KIAA0586: variants seen among roughly 807,000 people sequenced by gnomAD.
KIAA0586 encodes protein TALPID3.
KIAA0586 carries 144 observed loss-of-function variants against 169.8 expected under a neutral mutation model. That is an observed-to-expected ratio of 0.85 (90% CI 0.74 to 0.97). The LOEUF (loss-of-function observed/expected upper bound fraction) is 0.97. Ranked by LOEUF, KIAA0586 falls within the 50% of genes least tolerant of loss-of-function variation. The probability of loss-of-function intolerance (pLI) is 0.00; values close to 1 mark genes in which losing one functional copy is unlikely to be tolerated. For missense variants in KIAA0586, 1,854 were observed against 1,823.0 expected, an observed-to-expected ratio of 1.02 and a Z score of -0.31; for synonymous variants, 625 against 612.4, an observed-to-expected ratio of 1.02 and a Z score of -0.30.
At chr14:58,481,966 A>G (rs1165568648) in intron 20 of KIAA0586, among the ~76,000 whole-genome samples, 1 of 151,644 alleles carries the variant, frequency 6.6e-6, no homozygotes, top group African/African-American at 2.4e-5. Flanking sequence ...GGCGCCTGCC[A>G]CCACACCTGG....
intron 15 of KIAA0586, among the ~76,000 whole-genome samples, chr14:58,466,514 T>C (rs2040787905): frequency 1.3e-5 from 2 of 152,068 alleles, no homozygotes; most frequent in South Asian, 4.1e-4. Flanking sequence ...GATGGGAGGA[T>C]TGCTTGAGAC....
intron 30 of KIAA0586, among the ~76,000 whole-genome samples, chr14:58,545,923 A>G (rs2046952561): frequency 6.6e-6 from 1 of 151,990 alleles, no homozygotes; most frequent in Admixed American, 6.6e-5. Flanking sequence ...GGTCCTAACT[A>G]CTTGGGAGGC....
chr14:58,477,320 G>A (rs2041718345), intron 20 of KIAA0586, 79 bp downstream of exon 20: 4 of 731,550 alleles, frequency 5.5e-6, no homozygotes, highest in South Asian at 3.5e-5. Flanking sequence ...TATTCCAGAG[G>A]TCAAGTAAAT....
intron 4 of KIAA0586, among the ~76,000 whole-genome samples, chr14:58,440,417 C>T (rs1406013284): frequency 2.6e-5 from 4 of 151,942 alleles, no homozygotes; most frequent in Non-Finnish European, 4.4e-5. Context: ...CTGCAACCTC[C>T]GTCTCCTGGG....
rs750935297 is a variant in KIAA0586, at chr14:58,442,743, C to A, written c.448C>A (p.His150Asn). The change falls in exon 5 of 31, where the codon CAT becomes AAT. Residue 150 changes from histidine (H) to asparagine (N), a missense_variant. By Grantham distance (68) the His-to-Asn change is moderately conservative. Transcript: ENST00000652326. ...GCCTGTTTTTAAGGAAGTAAAGGTA[C>A]ATCTGTTAGAAGATGCAGGCATAGA... is the stretch of plus-strand genomic sequence containing the variant. ...SMPVFKEVKV[H>N]LLEDAGIEKD... is the part of the protein sequence containing the mutation. The A allele has an allele frequency of 4.4e-6, 7 of 1,587,260 alleles. No homozygotes were observed. The highest frequency in any genetic ancestry group is 6.0e-6 in the Non-Finnish European group (7 of 1,165,314).
chr14:58,530,244 A>G (rs897642414), intron 29 of KIAA0586, among the ~76,000 whole-genome samples: 6 of 152,232 alleles, frequency 3.9e-5, no homozygotes, highest in African/African-American at 1.4e-4. Flanking sequence ...AAGAATCAAT[A>G]TTGTGAAAAA....
At chr14:58,478,220 C>T (rs531929980) in intron 20 of KIAA0586, among the ~76,000 whole-genome samples, 2 of 152,172 alleles carry the variant, frequency 1.3e-5, no homozygotes, top group South Asian at 2.1e-4. Context: ...CAGTGGCTCA[C>T]GCCTGTAATC....
Position 58,548,045 on chromosome 14 carries a change from A to T in KIAA0586, c.*113A>T. The stretch of plus-strand genomic sequence containing the variant: ...TTTTTGAGCATATTCTGAAAAAAAA[A>T]TTCCAATATTTTAAAATAAAACAAA... On this transcript the variant is annotated 3_prime_UTR_variant, in exon 31 of 31. Coordinates refer to ENST00000652326, the MANE Select transcript of KIAA0586 (RefSeq NM_001329943.3). 3.2e-6 allele frequency: 4 copies of T among 1,256,674 alleles called. No homozygotes were observed. The highest frequency in any genetic ancestry group is 4.3e-6 in the Non-Finnish European group (4 of 920,704). The allele number at this position is 1,256,674 out of a possible 1,614,324, so 77.8% of individuals were successfully genotyped here.
chr14:58,487,834 G>C (rs984612266), intron 22 of KIAA0586, 53 bp from the exon 23 acceptor site: 2 of 1,172,820 alleles, frequency 1.7e-6, no homozygotes, highest in African/African-American at 3.1e-5. Context: ...CCATCCTATG[G>C]AGTTCTTTAC....
intron 4 of KIAA0586, 32 bp downstream of exon 4, chr14:58,432,489 A>G (rs1566772870): frequency 1.8e-5 from 21 of 1,177,026 alleles, no homozygotes; most frequent in Non-Finnish European, 2.6e-5. Flanking sequence ...TAATTGGACC[A>G]TTTCTTATGT....
chr14:58,508,779 C>G, intron 28 of KIAA0586, 70 bp downstream of exon 28: 1 of 1,249,370 alleles, frequency 8.0e-7, no homozygotes, highest in South Asian at 1.4e-5. Context: ...AGCGTGGTAC[C>G]CCGTCAAGAG....
rs749319598 is a variant in KIAA0586, at chr14:58,490,227, A to G, written c.3845A>G (p.Asp1282Gly). 1 of 1,534,004 alleles carries G rather than the reference A, an allele frequency of 6.5e-7. No individual in the cohort carries two copies. The highest frequency in any genetic ancestry group is 1.2e-5 in the South Asian group (1 of 81,222). The change falls in exon 25 of 31, where the codon GAT (aspartate) becomes GGT (glycine). Residue 1282 changes from aspartate to glycine, a missense_variant. Transcript: ENST00000652326. ...GATAGCTTATCCAGCACTCTGCATG[A>G]TGCCGTTGAAATGGTAAGTAACGAT... ...LNDSLSSTLH[D>G]AVEMEDDPPS...
chr14:58,462,462 A>T (rs541448407), intron 14 of KIAA0586, among the ~76,000 whole-genome samples: 6 of 152,168 alleles, frequency 3.9e-5, no homozygotes, highest in African/African-American at 1.4e-4. Flanking sequence ...CACATTGGCC[A>T]GGCTCGTCTT....
chr14:58,519,000 C>T (rs569139831), intron 29 of KIAA0586, among the ~76,000 whole-genome samples: 1 of 152,298 alleles, frequency 6.6e-6, no homozygotes, highest in South Asian at 2.1e-4. Flanking sequence ...GACGTGGTGG[C>T]ACATGCCTGT....
chr14:58,447,980 T>A (rs2039043897), intron 6 of KIAA0586, among the ~76,000 whole-genome samples: 1 of 152,188 alleles, frequency 6.6e-6, no homozygotes, highest in Admixed American at 6.6e-5. Flanking sequence ...GGTTTAAAAT[T>A]CTCTGATTCA....
chr14:58,468,475 A>G (rs2040949274), intron 16 of KIAA0586, among the ~76,000 whole-genome samples: 1 of 152,208 alleles, frequency 6.6e-6, no homozygotes, highest in Non-Finnish European at 1.5e-5. Flanking sequence ...AAGGGGAACA[A>G]TTGAACTGTG....
chr14:58,459,699 A>G, intron 12 of KIAA0586, 144 bp from the exon 13 acceptor site: 1 of 435,578 alleles, frequency 2.3e-6, no homozygotes. Flanking sequence ...ATATCCAATA[A>G]AGCCAATATC....
At chr14:58,449,383 T>G (rs1010628369) in intron 7 of KIAA0586, among the ~76,000 whole-genome samples, 1 of 152,064 alleles carries the variant, frequency 6.6e-6, no homozygotes, top group Non-Finnish European at 1.5e-5. Flanking sequence ...TAAAAAATTA[T>G]CCAGGTGTGG....
intron 29 of KIAA0586, among the ~76,000 whole-genome samples, chr14:58,530,361 C>T (rs956158979): frequency 3.3e-5 from 5 of 152,082 alleles, no homozygotes; most frequent in African/African-American, 1.2e-4. Flanking sequence ...CATATGGAAC[C>T]TAAAAAGAGC....
Sources: gnomAD v4.1 joint callset for allele counts (sites outside exome capture counted in the v4.1 genomes callset) on GRCh38, gnomAD v4.1.1 for gene constraint, MANE v1.5 for transcripts, NCBI Gene and HGNC (gene_info 2026-07-23, HGNC 2026-07-21) for gene names.